Variants in STK36 observed in about 807,000 individuals in gnomAD.
The protein encoded by STK36 is serine/threonine kinase 36.
In STK36, 116 loss-of-function variants were observed where a neutral mutation model predicts 142.2. The observed-to-expected ratio is 0.82, with a 90% CI of 0.70 to 0.95. STK36 has a LOEUF of 0.95. STK36 is among the 40% of genes least tolerant of loss of function. STK36 has a pLI of 0.00. For missense variants in STK36, 1,422 were observed against 1,617.2 expected, an observed-to-expected ratio of 0.88 and a Z score of 2.07; for synonymous variants, 619 against 641.7, an observed-to-expected ratio of 0.96 and a Z score of 0.53.
In STK36 at chr2:218,691,052, C is replaced by T. The variant is rs547707134; in HGVS notation, c.1764+497C>T. On this transcript the variant is annotated intron_variant, in intron 14 of 26. Coordinates refer to ENST00000295709, the MANE Select transcript of STK36 (RefSeq NM_015690.5). ...ATATTTCAGGGGACCACAAATAGAACGACTTCTTCTTGAAAAGACTTGCAG... is the reference window on the plus strand; with the variant it reads ...ATATTTCAGGGGACCACAAATAGAATGACTTCTTCTTGAAAAGACTTGCAG... Among the ~76,000 whole-genome samples the T allele has an allele frequency of 9.9e-5, 15 of 152,032 alleles. No homozygotes were observed. The South Asian group carries it at 1.5e-3, about 15-fold the overall frequency.
rs1037684905 is a variant in STK36, at chr2:218,672,202, T to C, written c.-103T>C. 62 of 571,700 alleles carry C rather than the reference T, an allele frequency of 1.1e-4. No individual in the cohort carries two copies. Among genetic ancestry groups the C allele is most frequent in the Admixed American group, 2.5e-4 (8 of 32,406 alleles). 35.4% of individuals were successfully genotyped at this position (571,700 alleles called of 1,614,324 possible). A position where few individuals can be genotyped will look rare whatever the true frequency, so the allele number is the denominator to read the frequency against. On this transcript the variant is annotated 5_prime_UTR_variant, in exon 1 of 27. Coordinates refer to ENST00000295709, the MANE Select transcript of STK36 (RefSeq NM_015690.5). ...TGTCCTCTGAACTTCTCACCAGTTC[T>C]AGCGAGTAAAATTGTAAGAAAGGGA... is the stretch of plus-strand genomic sequence containing the variant.
At chr2:218,692,036 G>C in intron 14 of STK36, 107 bp from the exon 15 acceptor site, 1 of 1,369,532 alleles carries the variant, frequency 7.3e-7, no homozygotes, top group Non-Finnish European at 9.9e-7. Context: ...ACATGTGTTT[G>C]CTTTGGTTTT....
rs183948506 is a variant in STK36 at position 218,692,252 on chromosome 2, A to G, written c.1874A>G (p.His625Arg). The change falls in exon 15 of 27, where the codon CAT (histidine) becomes CGT (arginine). Residue 625 changes from histidine (H) to arginine (R), a missense_variant. Coordinates refer to ENST00000295709, the MANE Select transcript of STK36 (RefSeq NM_015690.5). Reference sequence around the variant, plus strand: ...CAGGTTGTCTTGGATGGGCTCCTTCATGGCTTGACAGTTCCACAGCTCCCT... The same window carrying G: ...CAGGTTGTCTTGGATGGGCTCCTTCGTGGCTTGACAGTTCCACAGCTCCCT... ...TQQVVLDGLL[H>R]GLTVPQLPVH... The G allele has an allele frequency of 2.5e-6, 4 of 1,614,218 alleles. No individual in the cohort carries two copies. Among genetic ancestry groups the G allele is most frequent in the South Asian group, 1.1e-5 (1 of 91,084 alleles).
At chr2:218,679,771 T>G (rs781244997) in intron 8 of STK36, 42 bp downstream of exon 8, 3 of 1,612,632 alleles carry the variant, frequency 1.9e-6, no homozygotes, top group Middle Eastern at 1.7e-4. Flanking sequence ...ACCAGGCTAG[T>G]GACTGGGGAG....
intron 10 of STK36, among the ~76,000 whole-genome samples, chr2:218,683,656 A>G (rs1940637683): frequency 6.6e-6 from 1 of 152,144 alleles, no homozygotes; most frequent in Non-Finnish European, 1.5e-5. Flanking sequence ...ACATATGTAT[A>G]CATGTGCCAT....
intron 1 of STK36, 85 bp downstream of exon 1, chr2:218,672,300 G>A (rs1289461122): frequency 4.6e-6 from 2 of 437,012 alleles, no homozygotes; most frequent in African/African-American, 2.0e-5. Context: ...GCAGCCAGAA[G>A]AGATGGGGCT....
chr2:218,699,049 C>T lies in STK36; in HGVS notation c.3505C>T (p.Arg1169Trp), dbSNP rs754595078. The T allele has an allele frequency of 2.1e-5, 34 of 1,613,964 alleles. No homozygotes were observed. The highest frequency in any genetic ancestry group is 1.8e-4 in the East Asian group (8 of 44,870). ...LGLGDKDPVV[R>W]CSASFAVGNA... ...GCTTGGAGACAAGGATCCTGTTGTG[C>T]GGTGCAGTGCCAGCTTTGCTGTGGG... The change falls in exon 26 of 27, where the codon CGG becomes TGG. Residue 1169 changes from arginine (R) to tryptophan (W), a missense_variant. By Grantham distance (101) the Arg-to-Trp change is moderately radical. Around this residue, in one of 2 missense-constraint regions of STK36, gnomAD observed 962 missense variants for 1,167.5 expected, o/e 0.82. Transcript: ENST00000295709.
chr2:218,677,777 A>AG (rs1373397480), intron 6 of STK36, among the ~76,000 whole-genome samples: 5 of 152,032 alleles, frequency 3.3e-5, no homozygotes, highest in African/African-American at 1.2e-4. Context: ...GTAGAAGAGG[A>AG]GTTGGACTTC....
Position 218,693,356 on chromosome 2 carries a change from A to T in STK36, c.2148+12A>T. 1 of 1,610,856 alleles carries T rather than the reference A, an allele frequency of 6.2e-7. No homozygotes were observed. The highest frequency in any genetic ancestry group is 8.5e-7 in the Non-Finnish European group (1 of 1,177,368). ...TGCACCTTCTCAAGGTAATCCTCTT[A>T]ACTCCTGGCATCACAGCTTTATTTT... On this transcript the variant is annotated intron_variant, in intron 17 of 26. Coordinates refer to ENST00000295709, the MANE Select transcript of STK36 (RefSeq NM_015690.5).
intron 24 of STK36, 71 bp from the exon 25 acceptor site, chr2:218,697,783 T>A (rs1310071491): frequency 3.1e-6 from 5 of 1,608,642 alleles, no homozygotes; most frequent in Non-Finnish European, 4.2e-6. Context: ...GCAAAGGAAT[T>A]GGAGGAGGGA....
chr2:218,697,675 A>G (rs1448861303), intron 24 of STK36, 65 bp downstream of exon 24: 2 of 1,605,498 alleles, frequency 1.2e-6, no homozygotes, highest in African/African-American at 2.7e-5. Flanking sequence ...GAAGGCAGGA[A>G]AGAAGTTACT....
rs1940003774 is a variant in STK36 at position 218,672,089 on chromosome 2, C to T, written c.-216C>T. 3 of 1,305,700 alleles carry T rather than the reference C, an allele frequency of 2.3e-6. No individual in the cohort carries two copies. The highest frequency in any genetic ancestry group is 1.5e-5 in the African/African-American group (1 of 68,412). 80.9% of individuals were successfully genotyped at this position (1,305,700 alleles called of 1,614,324 possible). A position where few individuals can be genotyped will look rare whatever the true frequency, so the allele number is the denominator to read the frequency against. On this transcript the variant is annotated 5_prime_UTR_variant, in exon 1 of 27. Transcript: ENST00000295709. ...CAACCGCAGACTCCGGGTCCTTAGCCGGGCCTGATGGCCCTGAGGCAGTTC... is the reference window on the plus strand; with the variant it reads ...CAACCGCAGACTCCGGGTCCTTAGCTGGGCCTGATGGCCCTGAGGCAGTTC...
rs1941144254 is a variant in STK36 at position 218,694,400 on chromosome 2, T to A, written c.2400+73T>A. On this transcript the variant is annotated intron_variant, in intron 20 of 26. Coordinates refer to ENST00000295709, the MANE Select transcript of STK36 (RefSeq NM_015690.5). The surrounding 1 kb of genome is among the most constrained non-coding windows in gnomAD (Gnocchi z 4.4). ...CCCCTTGTGGAAGTGGGGGAGTCACTATCCAATTTGCATCTGTTTCTGGAG... is the reference window on the plus strand; with the variant it reads ...CCCCTTGTGGAAGTGGGGGAGTCACAATCCAATTTGCATCTGTTTCTGGAG... 3 of 1,522,864 alleles carry A rather than the reference T, an allele frequency of 2.0e-6. No individual in the cohort carries two copies. The highest frequency in any genetic ancestry group is 2.7e-6 in the Non-Finnish European group (3 of 1,097,364). The allele number at this position is 1,522,864 out of a possible 1,614,324, so 94.3% of individuals were successfully genotyped here.
intron 26 of STK36, 71 bp from the exon 27 acceptor site, chr2:218,701,795 C>T (rs1446591025): frequency 6.4e-7 from 1 of 1,568,790 alleles, no homozygotes; most frequent in Non-Finnish European, 8.7e-7. Flanking sequence ...TGAGAGTCCT[C>T]CGCACCTGCC....
chr2:218,672,121 GTC>G lies in STK36; in HGVS notation c.-183_-182del. 1.2e-6 allele frequency: 1 copy of G among 854,010 alleles called. No individual in the cohort carries two copies. Among genetic ancestry groups the G allele is most frequent in the Non-Finnish European group, 1.9e-6 (1 of 537,396 alleles). 52.9% of individuals were successfully genotyped at this position (854,010 alleles called of 1,614,324 possible). A position where few individuals can be genotyped will look rare whatever the true frequency, so the allele number is the denominator to read the frequency against. Reference sequence around the variant, plus strand: ...GATGGCCCTGAGGCAGTTCGGATGTGTCCCAGGAAGTGCCCATGTGTGGTCCG... The same window carrying G: ...GATGGCCCTGAGGCAGTTCGGATGTGCCAGGAAGTGCCCATGTGTGGTCCG... On this transcript the variant is annotated 5_prime_UTR_variant, in exon 1 of 27. An upstream open reading frame in the 5' UTR loses its in-frame stop. Transcript: ENST00000295709.
chr2:218,698,079 C>T, intron 25 of STK36, 78 bp downstream of exon 25: 1 of 1,582,910 alleles, frequency 6.3e-7, no homozygotes, highest in South Asian at 1.1e-5. Context: ...CCAGCAGCTC[C>T]AGGGCTCTTC....
Position 218,689,814 on chromosome 2 carries a change from C to G in STK36, c.1561-45C>G, listed in dbSNP as rs376430368. On this transcript the variant is annotated intron_variant, in intron 12 of 26. Coordinates refer to ENST00000295709, the MANE Select transcript of STK36 (RefSeq NM_015690.5). ...CTACTGTTTTTTCTATTCTTTGTTT[C>G]CATCCTTCACATTGCCCTTACTCTC... 5.7e-5 allele frequency: 88 copies of G among 1,546,184 alleles called. No homozygotes were observed. In the African/African-American group the frequency reaches 1.2e-3, roughly 20 times the overall value.
chr2:218,679,952 T>A lies in STK36; in HGVS notation c.1008T>A (p.Pro336=), dbSNP rs373859202. 14 of 1,614,090 alleles carry A rather than the reference T, an allele frequency of 8.7e-6. No individual in the cohort carries two copies. The highest frequency in any genetic ancestry group is 4.0e-5 in the African/African-American group (3 of 74,924). Residue 336 remains proline, a synonymous_variant, in exon 9 of 27, where the codon CCT becomes CCA. Transcript: ENST00000295709. The stretch of plus-strand genomic sequence containing the variant: ...AGGACAAGACCAGCAAGGTGGCTCC[T>A]GGCACAGCCCCTCTGCCCAGACTCG... ...EQEDKTSKVA[P]GTAPLPRLGA...
rs766383694 is a variant in STK36, at chr2:218,699,118, G to C, written c.3574G>C (p.Ala1192Pro). The change falls in exon 26 of 27, where the codon GCT (alanine) becomes CCT (proline). Residue 1192 changes from alanine to proline, a missense_variant. Physicochemically the swap from Ala to Pro is conservative, Grantham distance 27 (BLOSUM62 -1). This residue lies in a region of STK36 where 962 missense variants were observed against 1,167.5 expected (regional missense o/e 0.82). Transcript: ENST00000295709. ...TGGTCCTCTGGGACCTGCCCTGGCA[G>C]CTGCAGTGCCCAGTATGACCCAGCT... ...QAGPLGPALA[A>P]AVPSMTQLLG... 1.2e-6 allele frequency: 2 copies of C among 1,613,944 alleles called. No homozygotes were observed. The highest frequency in any genetic ancestry group is 2.7e-5 in the African/African-American group (2 of 74,926).
Sources: gnomAD v4.1 joint callset for allele counts (sites outside exome capture counted in the v4.1 genomes callset) on GRCh38, gnomAD v4.1.1 for gene constraint, gnomAD v4.1.1 regional missense constraint, Gnocchi (gnomAD v3.1) non-coding constraint, MANE v1.5 for transcripts, NCBI Gene and HGNC (gene_info 2026-07-23, HGNC 2026-07-21) for gene names.